Variants in SCN10A observed in about 807,000 individuals in gnomAD.
SCN10A encodes sodium voltage-gated channel alpha subunit 10.
In SCN10A, 162 loss-of-function variants were observed where a neutral mutation model predicts 170.7. That is an observed-to-expected ratio of 0.95 (90% CI 0.84 to 1.08). The LOEUF is 1.08. Ranked by LOEUF, SCN10A falls within the 50% of genes least tolerant of loss-of-function variation. The pLI, the probability that SCN10A is intolerant of heterozygous loss-of-function variation, is 0.00. For synonymous variants in SCN10A, 985 were observed against 904.6 expected (o/e 1.09, Z -1.59); for missense variants, 2,527 against 2,436.9 (o/e 1.04, Z -0.78).
intron 2 of SCN10A, among the ~76,000 whole-genome samples, chr3:38,793,313 G>T (rs2064308381): frequency 6.6e-6 from 1 of 151,964 alleles, no homozygotes; most frequent in Admixed American, 6.6e-5. Context: ...AACAGTTTTG[G>T]GGACACCAGG....
intron 27 of SCN10A, among the ~76,000 whole-genome samples, chr3:38,698,898 C>G (rs958835927): frequency 1.3e-5 from 2 of 152,214 alleles, no homozygotes; most frequent in African/African-American, 4.8e-5. Flanking sequence ...ATTCCACAGG[C>G]TCACAGTCTT....
Position 38,697,521 on chromosome 3 carries a change from T to C in SCN10A, c.5699A>G (p.Asn1900Ser), listed in dbSNP as rs905568903. The change falls in exon 28 of 28, where the codon AAT becomes AGT. Residue 1900 changes from asparagine to serine, a missense_variant. By Grantham distance (46) the Asn-to-Ser change is conservative (BLOSUM62 1). Coordinates refer to ENST00000449082, the MANE Select transcript of SCN10A (RefSeq NM_006514.4). ...TTTGTCTGGGAGTACACAATTTTCA[T>C]TTGCTGTGAATGCAACAAAACCTTC... is the stretch of plus-strand genomic sequence containing the variant. ...PDEGFVAFTA[N>S]ENCVLPDKSE... 1 of 1,614,168 alleles carries C rather than the reference T, an allele frequency of 6.2e-7. No homozygotes were observed. The highest frequency in any genetic ancestry group is 1.7e-5 in the Admixed American group (1 of 60,026).
chr3:38,718,202 C>A (rs182418286), intron 21 of SCN10A, among the ~76,000 whole-genome samples: 1 of 152,118 alleles, frequency 6.6e-6, no homozygotes, highest in Non-Finnish European at 1.5e-5. Context: ...TAGTGGTGGT[C>A]GGTCACTGCA....
chr3:38,756,695 C>G lies in SCN10A; in HGVS notation c.1269G>C (p.Glu423Asp), dbSNP rs1319710057. The change falls in exon 10 of 28, where the codon GAG (glutamate) becomes GAC (aspartate). Residue 423 changes from glutamate to aspartate, a missense_variant. Coordinates refer to ENST00000449082, the MANE Select transcript of SCN10A (RefSeq NM_006514.4). ...AKEKKFQEALEMLRKEQEVLA... is the reference protein window; with the variant it reads ...AKEKKFQEALDMLRKEQEVLA... ...AAACCTCCTGCTCCTTCCGGAGCAT[C>G]TCGAGGGCCTCCTGGAACTTCTTCT... 1.9e-6 allele frequency: 3 copies of G among 1,614,042 alleles called. No individual in the cohort carries two copies. Among genetic ancestry groups the G allele is most frequent in the Non-Finnish European group, 1.7e-6 (2 of 1,180,020 alleles).
intron 6 of SCN10A, among the ~76,000 whole-genome samples, chr3:38,762,793 A>G (rs1317030140): frequency 1.3e-5 from 2 of 152,154 alleles, no homozygotes; most frequent in Non-Finnish European, 2.9e-5. Flanking sequence ...CCACTCTAGA[A>G]TGGGTGTTTC....
At chr3:38,763,997 T>C (rs1476997469) in intron 5 of SCN10A, among the ~76,000 whole-genome samples, 5 of 152,146 alleles carry the variant, frequency 3.3e-5, no homozygotes, top group African/African-American at 1.2e-4. Flanking sequence ...CTCATGGGCA[T>C]GGGACTAATC....
At chr3:38,713,782 G>A (rs1398537316) in intron 22 of SCN10A, among the ~76,000 whole-genome samples, 176 bp downstream of exon 22, 4 of 151,966 alleles carry the variant, frequency 2.6e-5, no homozygotes, top group Non-Finnish European at 4.4e-5. Flanking sequence ...ACCACACCTC[G>A]TGGTGGTAGT....
intron 12 of SCN10A, among the ~76,000 whole-genome samples, chr3:38,751,211 A>C (rs967155780): frequency 6.6e-6 from 1 of 152,222 alleles, no homozygotes; most frequent in African/African-American, 2.4e-5. Flanking sequence ...TCTGCCAGGC[A>C]GCCTCTCTGA....
At chr3:38,801,202 C>T (rs946082801) in intron 1 of SCN10A, among the ~76,000 whole-genome samples, 1 of 152,134 alleles carries the variant, frequency 6.6e-6, no homozygotes, top group African/African-American at 2.4e-5. Flanking sequence ...TGAGTGTGTG[C>T]TAATTGAGTC....
In SCN10A at chr3:38,755,665, G is replaced by A. The variant is rs1470498083; in HGVS notation, c.1461+123C>T. ...AAGACACCATTTTGGAGGGGTGTCT[G>A]GATCCTTTTAGGCTCTATGCCTCCA... On this transcript the variant is annotated intron_variant, in intron 11 of 27. Coordinates refer to ENST00000449082, the MANE Select transcript of SCN10A (RefSeq NM_006514.4). 2 of 1,124,418 alleles carry A rather than the reference G, an allele frequency of 1.8e-6. 1 individual carries two copies. The highest frequency in any genetic ancestry group is 6.1e-4 in the Middle Eastern group (2 of 3,274). The allele number at this position is 1,124,418 out of a possible 1,614,324, so 69.7% of individuals were successfully genotyped here.
Position 38,789,016 on chromosome 3 carries a change from G to C in SCN10A, c.410C>G (p.Thr137Arg). The C allele has an allele frequency of 1.2e-6, 2 of 1,610,818 alleles. No homozygotes were observed. Among genetic ancestry groups the C allele is most frequent in the Non-Finnish European group, 1.7e-6 (2 of 1,177,336 alleles). ...SVHSWFSLFI[T>R]VTILVNCVCM... Reference sequence around the variant, plus strand: ...CACACAATTAACCAAAATAGTGACCGTAATAAATAAACTGAACCACCTGAA... The same window carrying C: ...CACACAATTAACCAAAATAGTGACCCTAATAAATAAACTGAACCACCTGAA... The change falls in exon 4 of 28, where the codon ACG becomes AGG. Residue 137 changes from threonine to arginine, a missense_variant. Coordinates refer to ENST00000449082, the MANE Select transcript of SCN10A (RefSeq NM_006514.4).
chr3:38,799,815 A>C (rs79066965), intron 1 of SCN10A, among the ~76,000 whole-genome samples: 3,307 of 152,142 alleles, frequency 0.022, 105 homozygotes, highest in African/African-American at 0.074. Context: ...CTTTACTTCA[A>C]GTGTGTCTTG....
chr3:38,710,763 C>T (rs2063264793), intron 24 of SCN10A, 81 bp downstream of exon 24: 10 of 1,363,398 alleles, frequency 7.3e-6, no homozygotes, highest in African/African-American at 4.3e-5. Flanking sequence ...CCAGGGTCAT[C>T]GTCACTTCAT....
chr3:38,815,045 A>C (rs1165571160), intron 1 of SCN10A, among the ~76,000 whole-genome samples: 2 of 152,226 alleles, frequency 1.3e-5, no homozygotes, highest in Non-Finnish European at 2.9e-5. Context: ...TAATCAGGTA[A>C]TCTCAAAGAT....
At chr3:38,776,787 AAAG>A (rs1030603652) in intron 4 of SCN10A, among the ~76,000 whole-genome samples, 6 of 152,066 alleles carry the variant, frequency 3.9e-5, no homozygotes, top group Non-Finnish European at 7.4e-5. Context: ...ACAGTTTATG[AAAG>A]AAGATTACAG....
chr3:38,784,190 A>G (rs1338985248), intron 4 of SCN10A, among the ~76,000 whole-genome samples: 1 of 152,108 alleles, frequency 6.6e-6, no homozygotes, highest in Non-Finnish European at 1.5e-5. Flanking sequence ...CTGTATAGTT[A>G]GTGCTTCTTG....
At chr3:38,788,176 A>T (rs1265951744) in intron 4 of SCN10A, among the ~76,000 whole-genome samples, 3 of 150,448 alleles carry the variant, frequency 2.0e-5, no homozygotes, top group Non-Finnish European at 1.5e-5. Context: ...TAAAAATATA[A>T]CGTATTTTCT....
intron 4 of SCN10A, among the ~76,000 whole-genome samples, chr3:38,779,724 C>T (rs2064115927): frequency 1.3e-5 from 2 of 151,880 alleles, no homozygotes; most frequent in East Asian, 3.9e-4. Context: ...ATCTTTCCTT[C>T]CCTCGAAATT....
chr3:38,774,838 C>A (rs192819009), intron 4 of SCN10A, among the ~76,000 whole-genome samples: 1 of 152,164 alleles, frequency 6.6e-6, no homozygotes, highest in African/African-American at 2.4e-5. Flanking sequence ...AAGAGATGTA[C>A]ACTAAGTGAC....
Sources: allele counts gnomAD v4.1 joint callset (sites outside exome capture counted in the v4.1 genomes callset), GRCh38; gene constraint gnomAD v4.1.1; transcripts MANE v1.5; gene names NCBI Gene and HGNC (gene_info 2026-07-23, HGNC 2026-07-21).